The following MED16 variants were observed in gnomAD, a reference collection of about 807,000 sequenced individuals.
MED16 encodes the protein mediator of RNA polymerase II transcription subunit 16.
In MED16, 81 loss-of-function variants were observed where a neutral mutation model predicts 84.4. The ratio of observed to expected loss-of-function variants is 0.96; its 90% CI spans 0.80 to 1.15. The LOEUF (loss-of-function observed/expected upper bound fraction) is 1.15. Ranked by LOEUF, MED16 falls within the 50% of genes most tolerant of loss-of-function variation. The pLI, the probability that MED16 is intolerant of heterozygous loss-of-function variation, is 0.00. For synonymous variants in MED16, 897 were observed against 552.2 expected (o/e 1.62, Z -8.76); for missense variants, 1,585 against 1,245.9 (o/e 1.27, Z -4.10).
In MED16 at chr19:871,697, G is replaced by A. The variant is rs767347255; in HGVS notation, c.2098+229C>T. The A allele has an allele frequency of 3.5e-5, 51 of 1,477,090 alleles. 1 individual carries two copies. The highest frequency in any genetic ancestry group is 2.0e-4 in the East Asian group (9 of 43,978). 91.5% of individuals were successfully genotyped at this position (1,477,090 alleles called of 1,614,324 possible). A position where few individuals can be genotyped will look rare whatever the true frequency, so the allele number is the denominator to read the frequency against. On this transcript the variant is annotated intron_variant, in intron 12 of 15. Coordinates refer to ENST00000325464, the MANE Select transcript of MED16 (RefSeq NM_005481.3). ...TAGCAGATATCAAGGCAGAGCCACT[G>A]CCACCTGCAGGGGCTTATGTTCTGG...
In MED16 at chr19:880,064, G is replaced by C. The variant is rs756281329; in HGVS notation, c.1226C>G (p.Ala409Gly). The C allele has an allele frequency of 1.2e-6, 2 of 1,611,152 alleles. No homozygotes were observed. The highest frequency in any genetic ancestry group is 1.7e-6 in the Non-Finnish European group (2 of 1,179,386). The change falls in exon 8 of 16, where the codon GCG becomes GGG. Residue 409 changes from alanine (A) to glycine (G), a missense_variant. Ala to Gly is a moderately conservative substitution (Grantham distance 60, BLOSUM62 0). Coordinates refer to ENST00000325464, the MANE Select transcript of MED16 (RefSeq NM_005481.3). The part of the protein sequence containing the change: ...LQTMAVFYSS[A>G]APRPVDEPAM... ...CGGCTCATCCACAGGCCTCGGGGCCGCGGAGCTGTAGAAGACGGCCATGGT... is the reference window on the plus strand; with the variant it reads ...CGGCTCATCCACAGGCCTCGGGGCCCCGGAGCTGTAGAAGACGGCCATGGT...
Position 885,886 on chromosome 19 carries a change from T to TA in MED16, c.762dup (p.Ile255TyrfsTer162), listed in dbSNP as rs1168947278. 6.2e-7 allele frequency: 1 copy of TA among 1,613,784 alleles called. No individual in the cohort carries two copies. Among genetic ancestry groups the TA allele is most frequent in the Admixed American group, 1.7e-5 (1 of 60,032 alleles). On this transcript the variant is annotated frameshift_variant, in exon 5 of 16. Coordinates refer to ENST00000325464, the MANE Select transcript of MED16 (RefSeq NM_005481.3). LOFTEE classifies it high-confidence loss of function. Reference sequence around the variant, plus strand: ...AGGGAGGGCAGGATCTCCGTGTCGATACGGCACTTCTCGCTCACCACGCTC... The same window carrying TA: ...AGGGAGGGCAGGATCTCCGTGTCGATAACGGCACTTCTCGCTCACCACGCTC...
At chr19:878,246 AGCCCC>A (rs765198629) in intron 8 of MED16, among the ~76,000 whole-genome samples, 7 of 53,258 alleles carry the variant, frequency 1.3e-4, no homozygotes, top group Admixed American at 4.7e-4. Flanking sequence ...CCCCAGCCCC[AGCCCC>A]AGCCCCACGG....
At chr19:892,881 A>AGCCCCGCGCCCCGCGCCCCGCGCCCCGC (rs568145217) in intron 1 of MED16, 161 of 137,926 alleles carry the variant, frequency 1.2e-3, no homozygotes, top group East Asian at 2.2e-3. Flanking sequence ...CTGAGCCCCG[A>AGCCCCGCGCCCCGCGCCCCGCGCCCCGC]GCCCCGCGCC....
intron 11 of MED16, chr19:872,844 G>A (rs533227856): frequency 7.0e-6 from 4 of 569,840 alleles, no homozygotes; most frequent in South Asian, 1.0e-4. Context: ...GGGCTGAGAA[G>A]GAGCAGGGCC....
chr19:887,975 G>A (rs188846136), intron 4 of MED16, among the ~76,000 whole-genome samples: 5 of 152,216 alleles, frequency 3.3e-5, no homozygotes, highest in Admixed American at 6.5e-5. Flanking sequence ...GGCCAAGACA[G>A]GCAGATCACC....
At chr19:873,292 G>A (rs1004515524) in intron 11 of MED16, among the ~76,000 whole-genome samples, 157 bp downstream of exon 11, 4 of 135,864 alleles carry the variant, frequency 2.9e-5, no homozygotes, top group African/African-American at 1.2e-4. Context: ...TCCAAGCAGG[G>A]GCGGGACTCC....
chr19:870,615 G>C (rs542293230), intron 13 of MED16, among the ~76,000 whole-genome samples: 2 of 151,274 alleles, frequency 1.3e-5, no homozygotes, highest in Non-Finnish European at 2.9e-5. Flanking sequence ...CTGGGTGCCC[G>C]TGTTGGGGGT....
Position 868,084 on chromosome 19 carries a change from G to A in MED16, c.*17C>T, listed in dbSNP as rs369568636. 176 of 1,596,500 alleles carry A rather than the reference G, an allele frequency of 1.1e-4. 1 individual carries two copies. Among genetic ancestry groups the A allele is most frequent in the Non-Finnish European group, 1.3e-4 (154 of 1,174,426 alleles). On this transcript the variant is annotated 3_prime_UTR_variant, in exon 16 of 16. Coordinates refer to ENST00000325464, the MANE Select transcript of MED16 (RefSeq NM_005481.3). ...CCCGAGCCGGGTCACCACAAGGTCC[G>A]CCTGGACCCCCGGCCGTCACGGACG... is the stretch of plus-strand genomic sequence containing the variant.
chr19:889,574 G>A lies in MED16; in HGVS notation c.447+64C>T, dbSNP rs144975900. 140 of 1,540,048 alleles carry A rather than the reference G, an allele frequency of 9.1e-5. No individual in the cohort carries two copies. In the African/African-American group the frequency reaches 1.8e-3, roughly 20 times the overall value. ...GCTGGTGATGGAGAGGAGAGGGGCT[G>A]GCGGGTGGCTGGGTAGGGTGACATC... On this transcript the variant is annotated intron_variant, in intron 4 of 15. Coordinates refer to ENST00000325464, the MANE Select transcript of MED16 (RefSeq NM_005481.3).
Position 889,767 on chromosome 19 carries a change from C to T in MED16, c.318G>A (p.Lys106=), listed in dbSNP as rs745692660. The T allele has an allele frequency of 2.7e-4, 428 of 1,613,290 alleles. 1 individual carries two copies. Among genetic ancestry groups the T allele is most frequent in the South Asian group, 5.3e-4 (48 of 90,956 alleles). Residue 106 remains lysine, a synonymous_variant, in exon 4 of 16, where the codon AAG becomes AAA. Transcript: ENST00000325464. ...LLSADADGQI[K]CWSMADHLAN... ...CCAGGTGGTCCGCCATGCTCCAGCACTTGATCTGCCCGTCGGCATCTGCTG... is the reference window on the plus strand; with the variant it reads ...CCAGGTGGTCCGCCATGCTCCAGCATTTGATCTGCCCGTCGGCATCTGCTG...
chr19:879,918 A>C lies in MED16; in HGVS notation c.1353+19T>G, dbSNP rs2036378708. The stretch of plus-strand genomic sequence containing the variant: ...GTCAATGCCCACCAGCCCCGGCCCC[A>C]CGTGCCCCAGCAGCTCACCTTCCCG... On this transcript the variant is annotated intron_variant, in intron 8 of 15. Transcript: ENST00000325464. 6.4e-7 allele frequency: 1 copy of C among 1,572,638 alleles called. No homozygotes were observed. Among genetic ancestry groups the C allele is most frequent in the African/African-American group, 1.4e-5 (1 of 72,570 alleles).
chr19:884,086 G>GCCTGCCCCA (rs746450239), intron 6 of MED16, among the ~76,000 whole-genome samples: 5 of 152,120 alleles, frequency 3.3e-5, no homozygotes, highest in African/African-American at 4.8e-5. Context: ...TCTGAGGAGC[G>GCCTGCCCCA]CCTGCCCCAC....
At chr19:883,067 G>A (rs566258466) in intron 6 of MED16, among the ~76,000 whole-genome samples, 196 of 152,326 alleles carry the variant, frequency 1.3e-3, no homozygotes, top group Non-Finnish European at 2.4e-3. Context: ...CCCCCAGCTA[G>A]TGGCCAGGGT....
chr19:889,598 TCTC>T, intron 4 of MED16, 37 bp downstream of exon 4: 1 of 1,571,266 alleles, frequency 6.4e-7, no homozygotes, highest in Non-Finnish European at 8.7e-7. Flanking sequence ...TAGGGTGACA[TCTC>T]ATCTGCCTCA....
In MED16 at chr19:871,211, A is replaced by T. The variant is rs375290182; in HGVS notation, c.2141T>A (p.Val714Glu). The stretch of plus-strand genomic sequence containing the variant: ...GCTGGGCAGCAGGCAGCATTCATCC[A>T]CCAGCGCCTCGTCCGGCTCGCTCGC... ...GPASEPDEAL[V>E]DECCLLPSQL... The change falls in exon 13 of 16, where the codon GTG (valine) becomes GAG (glutamate). Residue 714 changes from valine (V) to glutamate (E), a missense_variant. By Grantham distance (121) the Val-to-Glu change is moderately radical. Transcript: ENST00000325464. 6.5e-7 allele frequency: 1 copy of T among 1,549,204 alleles called. No individual in the cohort carries two copies. Among genetic ancestry groups the T allele is most frequent in the South Asian group, 1.2e-5 (1 of 84,248 alleles).
chr19:877,309 T>A (rs1053275520), intron 8 of MED16, 129 bp from the exon 9 acceptor site: 2 of 769,374 alleles, frequency 2.6e-6, no homozygotes, highest in African/African-American at 1.7e-5. Context: ...TGTGGGCCTG[T>A]GTGCGCGCAT....
intron 7 of MED16, among the ~76,000 whole-genome samples, chr19:880,791 C>T (rs901863388): frequency 8.6e-5 from 13 of 151,948 alleles, no homozygotes; most frequent in Non-Finnish European, 1.3e-4. Flanking sequence ...CGTGGCAGCA[C>T]GCGCCTGTAG....
chr19:887,436 G>A (rs1248893937), intron 4 of MED16, among the ~76,000 whole-genome samples: 1 of 152,144 alleles, frequency 6.6e-6, no homozygotes, highest in Admixed American at 6.6e-5. Context: ...GGGAGGCCGA[G>A]GCGGGCAGAT....
Sources: allele counts gnomAD v4.1 joint callset (sites outside exome capture counted in the v4.1 genomes callset), GRCh38; gene constraint gnomAD v4.1.1; transcripts MANE v1.5; gene names NCBI Gene and HGNC (gene_info 2026-07-23, HGNC 2026-07-21).